The following MTMR8 variants were observed in gnomAD, a reference collection of about 807,000 sequenced individuals.
MTMR8 encodes myotubularin related protein 8.
In MTMR8, 65 loss-of-function variants were observed where a neutral mutation model predicts 39.3. That is an observed-to-expected ratio of 1.65 (90% CI 1.35 to 2.03). The LOEUF is 2.03. Ranked by LOEUF, MTMR8 falls within the 30% of genes most tolerant of loss-of-function variation. The probability of loss-of-function intolerance (pLI) is 0.00; values close to 1 mark genes in which losing one functional copy is unlikely to be tolerated. For missense variants in MTMR8, 777 were observed against 538.9 expected (o/e 1.44, Z -4.37); for synonymous variants, 245 against 185.2 (o/e 1.32, Z -2.62).
At chrX:64,382,421 T>C (rs1924451363) in intron 1 of MTMR8, among the ~76,000 whole-genome samples, 1 of 111,750 alleles carries the variant, frequency 8.9e-6, no homozygotes, top group Non-Finnish European at 1.9e-5. Context: ...TATTGGTGTA[T>C]AAGAATGCTT....
In MTMR8 at chrX:64,348,765, G is replaced by A; in HGVS notation, c.627C>T (p.Leu209=). 8.3e-7 allele frequency: 1 copy of A among 1,211,091 alleles called. No homozygotes were observed. The highest frequency in any genetic ancestry group is 1.1e-6 in the Non-Finnish European group (1 of 895,004). The change falls in exon 6 of 14, where the codon CTC becomes CTT. Residue 209 remains leucine, a synonymous_variant. Transcript: ENST00000374852. The part of the protein sequence containing the change: ...NAAICRCSQP[L]SGFYTRCVDD... ...CTACACAGCGAGTGTAAAATCCAGA[G>A]AGAGGCTGGCTACAGCGGCAAATGG...
rs187987804 is a variant in MTMR8 at position 64,325,918 on chromosome X, C to A, written c.1481+2854G>T. 6.3e-5 allele frequency among the ~76,000 whole-genome samples: 7 copies of A among 111,552 alleles called. No individual in the cohort carries two copies. The Admixed American group carries it at 6.6e-4, about 11-fold the overall frequency. On this transcript the variant is annotated intron_variant, in intron 12 of 13. Transcript: ENST00000374852. Reference sequence around the variant, plus strand: ...CAATACCAGTGTTAGAAGTGTCAGACCCTTGCACACTGGAAAATCAATATA... The same window carrying A: ...CAATACCAGTGTTAGAAGTGTCAGAACCTTGCACACTGGAAAATCAATATA...
At chrX:64,381,426 G>A (rs1417801276) in intron 1 of MTMR8, among the ~76,000 whole-genome samples, 11 of 105,385 alleles carry the variant, frequency 1.0e-4, no homozygotes, top group African/African-American at 3.0e-4. Context: ...CATATCCTTC[G>A]CCTACTTTTC....
rs749879321 is a variant in MTMR8, at chrX:64,289,636, C to CAAAAAAA, written c.1482-18570_1482-18564dup. On this transcript the variant is annotated intron_variant, in intron 12 of 13. Coordinates refer to ENST00000374852, the MANE Select transcript of MTMR8 (RefSeq NM_017677.4). ...TGGGTGACAGAGTGAGACTCCATCG[C>CAAAAAAA]AAAAAAAAAAAAAAAAAAAAAAAAA... is the stretch of plus-strand genomic sequence containing the variant. 9.8e-4 allele frequency among the ~76,000 whole-genome samples: 26 copies of CAAAAAAA among 26,402 alleles called. 2 individuals are homozygous for CAAAAAAA. Among genetic ancestry groups the CAAAAAAA allele is most frequent in the South Asian group, 3.2e-3 (1 of 308 alleles). The allele number at this position is 26,402 out of a possible 115,157, so 22.9% of individuals were successfully genotyped here.
intron 12 of MTMR8, among the ~76,000 whole-genome samples, chrX:64,295,407 T>C (rs976906737): frequency 9.0e-6 from 1 of 111,527 alleles, no homozygotes; most frequent in African/African-American, 3.3e-5. Flanking sequence ...TGACATGGAA[T>C]TTGGCAATGA....
chrX:64,376,251 A>C (rs1205582443), intron 1 of MTMR8, among the ~76,000 whole-genome samples: 1 of 112,422 alleles, frequency 8.9e-6, no homozygotes, highest in Non-Finnish European at 1.9e-5. Context: ...GCAGCTTTGA[A>C]ACTGGGTAAT....
At chrX:64,335,482 A>G (rs1389293944) in intron 10 of MTMR8, among the ~76,000 whole-genome samples, 1 of 112,197 alleles carries the variant, frequency 8.9e-6, no homozygotes, top group East Asian at 2.8e-4. Flanking sequence ...CTGATATAAT[A>G]TACAGCACAT....
intron 10 of MTMR8, among the ~76,000 whole-genome samples, chrX:64,334,312 A>G (rs940315849): frequency 9.1e-6 from 1 of 109,948 alleles, no homozygotes; most frequent in African/African-American, 3.3e-5. Context: ...TTTGAGTTTT[A>G]TTGGACTTTT....
chrX:64,353,391 C>T (rs933407955), intron 4 of MTMR8, among the ~76,000 whole-genome samples: 10 of 111,641 alleles, frequency 9.0e-5, no homozygotes, highest in African/African-American at 3.3e-4. Context: ...CCAAGAAACT[C>T]AATAGAATGA....
At chrX:64,382,319 G>C (rs374115364) in intron 1 of MTMR8, among the ~76,000 whole-genome samples, 2 of 111,300 alleles carry the variant, frequency 1.8e-5, no homozygotes, top group African/African-American at 3.3e-5. Flanking sequence ...GGTCCTTCAC[G>C]TCCCTTGTAA....
intron 12 of MTMR8, among the ~76,000 whole-genome samples, chrX:64,315,682 TCTG>T (rs1289175656): frequency 1.3e-4 from 15 of 111,644 alleles, no homozygotes; most frequent in African/African-American, 6.5e-5. Context: ...TTTTATCCAC[TCTG>T]CTAATTTTTT....
chrX:64,350,569 T>G (rs1923462696), intron 4 of MTMR8, among the ~76,000 whole-genome samples: 1 of 111,659 alleles, frequency 9.0e-6, no homozygotes, highest in Admixed American at 9.5e-5. Flanking sequence ...TCATTTCTAT[T>G]TCTGAGGAAT....
At chrX:64,305,836 C>A (rs763996554) in intron 12 of MTMR8, 2 of 319,717 alleles carry the variant, frequency 6.3e-6, no homozygotes, top group Non-Finnish European at 1.2e-5. Context: ...ATAACCCAGG[C>A]TGGGCATGGT....
chrX:64,383,872 T>C (rs1208508320), intron 1 of MTMR8, among the ~76,000 whole-genome samples: 1 of 111,254 alleles, frequency 9.0e-6, no homozygotes, highest in East Asian at 2.8e-4. Flanking sequence ...CCTACTCACA[T>C]TGGAAAATAC....
At chrX:64,386,553 G>A (rs1924563633) in intron 1 of MTMR8, among the ~76,000 whole-genome samples, 1 of 111,703 alleles carries the variant, frequency 9.0e-6, no homozygotes, top group Non-Finnish European at 1.9e-5. Flanking sequence ...AGAATAAGTA[G>A]AACACTCCCC....
At chrX:64,325,624 G>A (rs1160472148) in intron 12 of MTMR8, among the ~76,000 whole-genome samples, 1 of 111,938 alleles carries the variant, frequency 8.9e-6, no homozygotes, top group East Asian at 2.8e-4. Flanking sequence ...ATTATGTATA[G>A]AAAGTATGTA....
At position 64,317,832 on chromosome X, in the gene MTMR8, G is replaced by A. The variant is rs142170393; in HGVS notation, c.1481+10940C>T. Among the ~76,000 whole-genome samples, 1,087 of 112,393 alleles carry A rather than the reference G, an allele frequency of 9.7e-3. 19 individuals carry two copies. Among genetic ancestry groups the A allele is most frequent in the African/African-American group, 0.032 (979 of 30,883 alleles). On this transcript the variant is annotated intron_variant, in intron 12 of 13. Coordinates refer to ENST00000374852, the MANE Select transcript of MTMR8 (RefSeq NM_017677.4). ...AGGAGTGCCTCCTCATTATTGCCAG[G>A]TGGGAATGTAAGTCAAGGTTCTCCA...
intron 10 of MTMR8, among the ~76,000 whole-genome samples, chrX:64,335,056 A>C (rs1178638025): frequency 8.9e-6 from 1 of 111,855 alleles, no homozygotes; most frequent in Non-Finnish European, 1.9e-5. Context: ...AGAGAGTGGC[A>C]ACCAAATGAA....
rs74826586 is a variant in MTMR8, at chrX:64,284,199, C to T, written c.1482-13126G>A. ...TACGCACAAGCTTCAGTAGATGATTCGATCAATTGGAAGAAAGGGTATCAA... is the reference window on the plus strand; with the variant it reads ...TACGCACAAGCTTCAGTAGATGATTTGATCAATTGGAAGAAAGGGTATCAA... On this transcript the variant is annotated intron_variant, in intron 12 of 13. Transcript: ENST00000374852. Among the ~76,000 whole-genome samples, 49 of 111,527 alleles carry T rather than the reference C, an allele frequency of 4.4e-4. 1 individual carries two copies. Among genetic ancestry groups the T allele is most frequent in the African/African-American group, 1.5e-3 (46 of 30,647 alleles).
Sources: allele counts gnomAD v4.1 joint callset (sites outside exome capture counted in the v4.1 genomes callset), GRCh38; gene constraint gnomAD v4.1.1; transcripts MANE v1.5; gene names NCBI Gene and HGNC (gene_info 2026-07-23, HGNC 2026-07-21).